ZNF737: variants seen among roughly 807,000 people sequenced by gnomAD.
ZNF737 encodes zinc finger protein 102 (Y3).
A neutral mutation model predicts 11.7 loss-of-function variants in ZNF737; 13 were observed. That is an observed-to-expected ratio of 1.11 (90% confidence interval 0.73 to 1.77). The LOEUF is 1.77. ZNF737 is among the 40% of genes most tolerant of loss of function. The probability of loss-of-function intolerance (pLI) is 0.00; values close to 1 mark genes in which losing one functional copy is unlikely to be tolerated. For synonymous variants in ZNF737, 217 were observed against 216.2 expected (o/e 1.00, Z -0.03); for missense variants, 636 against 638.0 (o/e 1.00, Z 0.03).
rs544927676 is a variant in ZNF737 at position 20,544,444 on chromosome 19, A to C, written c.*148T>G. On this transcript the variant is annotated 3_prime_UTR_variant, in exon 4 of 4. Transcript: ENST00000427401. Reference sequence around the variant, plus strand: ...CTTATTTGTTGGGTTTCTTTCCCGCATGAATTATCTAATGTCTACTAAGGT... The same window carrying C: ...CTTATTTGTTGGGTTTCTTTCCCGCCTGAATTATCTAATGTCTACTAAGGT... 6.8e-7 allele frequency: 1 copy of C among 1,475,686 alleles called. No individual in the cohort carries two copies. The highest frequency in any genetic ancestry group is 8.9e-7 in the Non-Finnish European group (1 of 1,120,872). 91.4% of individuals were successfully genotyped at this position (1,475,686 alleles called of 1,614,324 possible).
Position 20,544,178 on chromosome 19 carries a change from A to G in ZNF737, c.*414T>C. 9.9e-7 allele frequency: 1 copy of G among 1,011,632 alleles called. No homozygotes were observed. Among genetic ancestry groups the G allele is most frequent in the South Asian group, 4.0e-5 (1 of 24,806 alleles). 62.7% of individuals were successfully genotyped at this position (1,011,632 alleles called of 1,614,324 possible). On this transcript the variant is annotated 3_prime_UTR_variant, in exon 4 of 4. Transcript: ENST00000427401. ...TTATAGGATTTGCCACATTCCTCAAACTTGTAGGATTTTTGTCCAGCATGA... is the reference window on the plus strand; with the variant it reads ...TTATAGGATTTGCCACATTCCTCAAGCTTGTAGGATTTTTGTCCAGCATGA...
At chr19:20,530,497 C>T in the ZNF737 span, among the ~76,000 whole-genome samples, 5 of 147,592 alleles carry the variant, frequency 3.4e-5, 2 homozygotes, top group Non-Finnish European at 7.5e-5. Context: ...TGGAGGGGCT[C>T]CTCACTTCTC....
rs1208676337 is a variant in ZNF737, at chr19:20,540,809, G to A, written c.*3783C>T. On this transcript the variant is annotated 3_prime_UTR_variant, in exon 4 of 4. Transcript: ENST00000427401. ...TGCTTTTGTTATCTACATAAACAAA[G>A]ATATCAACTGGATATAATAATTAAC... is the stretch of plus-strand genomic sequence containing the variant. 1 of 908,408 alleles carries A rather than the reference G, an allele frequency of 1.1e-6. No homozygotes were observed. The highest frequency in any genetic ancestry group is 1.3e-6 in the Non-Finnish European group (1 of 760,274). 56.3% of individuals were successfully genotyped at this position (908,408 alleles called of 1,614,324 possible).
At chr19:20,536,042 A>G, downstream of ZNF737, 2 of 973,568 alleles carry the variant, frequency 2.1e-6, no homozygotes, top group Non-Finnish European at 2.4e-6. Context: ...CAGAGAAGAC[A>G]CATTTACCTT....
chr19:20,561,998 A>C (rs1469524664), intron 1 of ZNF737, among the ~76,000 whole-genome samples: 1 of 152,206 alleles, frequency 6.6e-6, no homozygotes, highest in African/African-American at 2.4e-5. Context: ...ACACACAGAT[A>C]ATCCTGGAAA....
downstream of ZNF737, chr19:20,536,075 C>CTAT: frequency 3.0e-6 from 3 of 984,920 alleles, no homozygotes; most frequent in Non-Finnish European, 3.6e-6. Context: ...CTTCCATTCA[C>CTAT]TATTATTCAA....
downstream of ZNF737, chr19:20,536,177 G>A (rs1967957716): frequency 1.3e-6 from 1 of 768,640 alleles, no homozygotes; most frequent in Non-Finnish European, 1.6e-6. Flanking sequence ...ATATGCATCA[G>A]TAACCCTTCT....
intron 1 of ZNF737, among the ~76,000 whole-genome samples, chr19:20,564,509 T>C (rs1189434714): frequency 3.3e-5 from 5 of 152,038 alleles, no homozygotes; most frequent in Admixed American, 3.3e-4. Flanking sequence ...AAAAATTAGC[T>C]GGGCGTGGTG....
chr19:20,542,756 TAGAA>T lies in ZNF737; in HGVS notation c.*1832_*1835del. 2.0e-6 allele frequency: 2 copies of T among 984,854 alleles called. No individual in the cohort carries two copies. The highest frequency in any genetic ancestry group is 2.4e-6 in the Non-Finnish European group (2 of 829,452). The allele number at this position is 984,854 out of a possible 1,614,324, so 61.0% of individuals were successfully genotyped here. On this transcript the variant is annotated 3_prime_UTR_variant, in exon 4 of 4. Transcript: ENST00000427401. Reference sequence around the variant, plus strand: ...ACATTTTAATGTTCTTACTATTTTATAGAAAAAGTCATAATGTCCAAATAATGTA... The same window carrying T: ...ACATTTTAATGTTCTTACTATTTTATAAAGTCATAATGTCCAAATAATGTA...
chr19:20,562,343 T>TA (rs1555762666), intron 1 of ZNF737, among the ~76,000 whole-genome samples: 1 of 145,370 alleles, frequency 6.9e-6, no homozygotes, highest in Non-Finnish European at 1.5e-5. Flanking sequence ...CTGGCTAATT[T>TA]TTTTTTTTTT....
In ZNF737 at chr19:20,544,906, C is replaced by T. The variant is rs374167758; in HGVS notation, c.1297G>A (p.Ala433Thr). 4.1e-4 allele frequency: 665 copies of T among 1,609,268 alleles called. 1 individual carries two copies. Among genetic ancestry groups the T allele is most frequent in the Non-Finnish European group, 5.2e-4 (615 of 1,178,348 alleles). ...GTAAGGATAGAGAAGCACTTAAAGG[C>T]CTTGCCACATTCTTCACACTTGAAG... ...QPFKCEECGK[A>T]FKCFSILTTH... Residue 433 changes from alanine (A) to threonine (T), a missense_variant, in exon 4 of 4, where the codon GCC becomes ACC. Coordinates refer to ENST00000427401, the MANE Select transcript of ZNF737 (RefSeq NM_001159293.2).
At chr19:20,561,640 GT>G (rs1453341041) in intron 1 of ZNF737, among the ~76,000 whole-genome samples, 2 of 151,776 alleles carry the variant, frequency 1.3e-5, no homozygotes, top group Admixed American at 1.3e-4. Flanking sequence ...AATCTGTAGA[GT>G]TTGCTGAACA....
chr19:20,545,012 G>T lies in ZNF737; in HGVS notation c.1191C>A (p.Tyr397Ter), dbSNP rs782480430. ...AGGCTTCGCCACATTCTTCACATTT[G>T]TAGGGTTTCTCTCCAGTATGAATTC... ...HKRIHTGEKP[Y>*]KCEECGEAFK... The change falls in exon 4 of 4, where the codon TAC becomes TAA. Residue 397 changes from tyrosine to a stop codon, truncating the protein, a stop_gained. Coordinates refer to ENST00000427401, the MANE Select transcript of ZNF737 (RefSeq NM_001159293.2). LOFTEE classifies it low-confidence loss of function (END_TRUNC). 1 of 1,613,866 alleles carries T rather than the reference G, an allele frequency of 6.2e-7. No homozygotes were observed. Among genetic ancestry groups the T allele is most frequent in the Non-Finnish European group, 8.5e-7 (1 of 1,179,950 alleles).
rs782690741 is a variant in ZNF737 at position 20,545,520 on chromosome 19, C to A, written c.683G>T (p.Arg228Leu). 2.5e-5 allele frequency: 40 copies of A among 1,609,708 alleles called. No homozygotes were observed. The highest frequency in any genetic ancestry group is 3.3e-5 in the Non-Finnish European group (39 of 1,178,364). Residue 228 changes from arginine (R) to leucine (L), a missense_variant, in exon 4 of 4, where the codon CGG becomes CTG. Coordinates refer to ENST00000427401, the MANE Select transcript of ZNF737 (RefSeq NM_001159293.2). ...TTTGCCACAGTCTTCACATTTGTAC[C>A]GTTTCTCTCCAGTATGAATTCTCTT... Reference protein sequence around the residue: ...THKRIHTGEKRYKCEDCGKAF... With the variant: ...THKRIHTGEKLYKCEDCGKAF...
At chr19:20,534,207 C>T (rs1341280472), downstream of ZNF737, among the ~76,000 whole-genome samples, 2 of 149,984 alleles carry the variant, frequency 1.3e-5, no homozygotes, top group Admixed American at 6.6e-5. Flanking sequence ...TTTGGGAGGC[C>T]GAGTCAGGCA....
In ZNF737 at chr19:20,541,915, G is replaced by T; in HGVS notation, c.*2677C>A. The T allele has an allele frequency of 1.6e-6, 1 of 632,470 alleles. No individual in the cohort carries two copies. The highest frequency in any genetic ancestry group is 2.0e-6 in the Non-Finnish European group (1 of 508,320). 39.2% of individuals were successfully genotyped at this position (632,470 alleles called of 1,614,324 possible). ...TAATTACTACATATTGTAGGCCTGA[G>T]TCAAAAGATGCCATATAAGGCATAA... On this transcript the variant is annotated 3_prime_UTR_variant, in exon 4 of 4. Transcript: ENST00000427401.
rs1471074991 is a variant in ZNF737, at chr19:20,538,744, T to C, written c.*5848A>G. 1 of 985,314 alleles carries C rather than the reference T, an allele frequency of 1.0e-6. No individual in the cohort carries two copies. The highest frequency in any genetic ancestry group is 1.7e-5 in the African/African-American group (1 of 57,240). 61.0% of individuals were successfully genotyped at this position (985,314 alleles called of 1,614,324 possible). A position where few individuals can be genotyped will look rare whatever the true frequency, so the allele number is the denominator to read the frequency against. On this transcript the variant is annotated 3_prime_UTR_variant, in exon 4 of 4. Coordinates refer to ENST00000427401, the MANE Select transcript of ZNF737 (RefSeq NM_001159293.2). ...GGCACCACACTGCACATCAATGCTT[T>C]CCACATGCACCCAATAGAGTCTTAA...
At position 20,542,963 on chromosome 19, in the gene ZNF737, C is replaced by A. The variant is rs1555755449; in HGVS notation, c.*1629G>T. ...TAATTACAATGCTTCCAAAAATCTA[C>A]TCCTTTTAAAGTTAAATAGAAATCA... is the stretch of plus-strand genomic sequence containing the variant. On this transcript the variant is annotated 3_prime_UTR_variant, in exon 4 of 4. Coordinates refer to ENST00000427401, the MANE Select transcript of ZNF737 (RefSeq NM_001159293.2). 1 of 984,516 alleles carries A rather than the reference C, an allele frequency of 1.0e-6. No individual in the cohort carries two copies. The highest frequency in any genetic ancestry group is 1.1e-4 in the East Asian group (1 of 8,824). 61.0% of individuals were successfully genotyped at this position (984,516 alleles called of 1,614,324 possible).
rs1968210764 is a variant in ZNF737, at chr19:20,541,650, T to C, written c.*2942A>G. Among the ~76,000 whole-genome samples, 1 of 152,150 alleles carries C rather than the reference T, an allele frequency of 6.6e-6. No homozygotes were observed. The highest frequency in any genetic ancestry group is 1.5e-5 in the Non-Finnish European group (1 of 68,024). On this transcript the variant is annotated 3_prime_UTR_variant, in exon 4 of 4. Coordinates refer to ENST00000427401, the MANE Select transcript of ZNF737 (RefSeq NM_001159293.2). ...CACGTTGGCCAGGCTGGCCTTGAAC[T>C]CCTAACCTCAAGCATTCCACCTGTC...
Sources: gnomAD v4.1 joint callset for allele counts (sites outside exome capture counted in the v4.1 genomes callset) on GRCh38, gnomAD v4.1.1 for gene constraint, MANE v1.5 for transcripts, NCBI Gene and HGNC (gene_info 2026-07-23, HGNC 2026-07-21) for gene names.